Variants in PBX1 observed in about 807,000 individuals in gnomAD.
PBX1 encodes PBX homeobox 1.
Under a neutral mutation model 53.4 loss-of-function variants are expected in PBX1, and 6 were observed. The ratio of observed to expected loss-of-function variants is 0.11; its 90% CI spans 0.06 to 0.22. The LOEUF (loss-of-function observed/expected upper bound fraction) is 0.22, where lower values mean the gene tolerates loss of function less well. Among genes scored for constraint, PBX1 ranks in the 10% least tolerant of loss-of-function variants. The pLI, the probability that PBX1 is intolerant of heterozygous loss-of-function variation, is 1.00. For missense variants in PBX1, 251 were observed against 551.4 expected (o/e 0.46, Z 5.46); for synonymous variants, 204 against 212.3 (o/e 0.96, Z 0.34).
chr1:164,673,797 C>T (rs752937960), intron 2 of PBX1, among the ~76,000 whole-genome samples: 5 of 152,172 alleles, frequency 3.3e-5, no homozygotes, highest in African/African-American at 4.8e-5. Context: ...GCGGATCTCT[C>T]GGCACATGCT....
chr1:164,885,104 T>A (rs1367278274), intron 2 of PBX1, among the ~76,000 whole-genome samples: 1 of 152,176 alleles, frequency 6.6e-6, no homozygotes, highest in Non-Finnish European at 1.5e-5. Context: ...CCTTGTTCTG[T>A]GGATGATGTG....
intron 2 of PBX1, among the ~76,000 whole-genome samples, chr1:164,592,104 G>A (rs1218342627): frequency 4.0e-5 from 6 of 151,674 alleles, no homozygotes; most frequent in Non-Finnish European, 5.9e-5. Context: ...AGATGAAGGG[G>A]ATGGGGGTTG....
chr1:164,609,778 A>C (rs1464915976), intron 2 of PBX1, among the ~76,000 whole-genome samples: 1 of 152,212 alleles, frequency 6.6e-6, no homozygotes, highest in Non-Finnish European at 1.5e-5. Flanking sequence ...TTACAGTTGT[A>C]TTCCCAGCAC....
intron 2 of PBX1, among the ~76,000 whole-genome samples, chr1:164,613,260 C>G (rs189922966): frequency 6.6e-6 from 1 of 152,282 alleles, no homozygotes; most frequent in East Asian, 1.9e-4. Context: ...TAAGACAAAG[C>G]ATCTAAAGTA....
At chr1:164,821,648 C>G (rs750003645) in intron 8 of PBX1, 22 bp downstream of exon 8, 1 of 1,585,336 alleles carries the variant, frequency 6.3e-7, no homozygotes, top group Admixed American at 1.7e-5. Flanking sequence ...AGCCCCCCCA[C>G]CCCCTGCTTT....
At chr1:164,562,267 A>G (rs1653108326) in intron 1 of PBX1, among the ~76,000 whole-genome samples, 2 of 152,158 alleles carry the variant, frequency 1.3e-5, no homozygotes, top group South Asian at 2.1e-4. Context: ...AAAGAATTGC[A>G]TGTGTTTTGA....
chr1:164,576,835 G>C (rs1446453515), intron 2 of PBX1: 1 of 152,298 alleles, frequency 6.6e-6, no homozygotes, highest in Non-Finnish European at 1.5e-5. Context: ...GGGTGCCTGC[G>C]GTCTGTTCCC....
intron 2 of PBX1, chr1:164,700,793 A>G (rs201845413): frequency 2.3e-5 from 20 of 881,946 alleles, no homozygotes; most frequent in Admixed American, 1.8e-4. Context: ...GACTTTTTTC[A>G]CCCATCTTTG....
chr1:164,616,340 T>C (rs1185082845), intron 2 of PBX1, among the ~76,000 whole-genome samples: 1 of 152,152 alleles, frequency 6.6e-6, no homozygotes, highest in African/African-American at 2.4e-5. Flanking sequence ...AGGTCCTCCT[T>C]ACTCCTGCTC....
rs1218336298 is a variant in PBX1 at position 164,846,970 on chromosome 1, T to A, written c.*294T>A. The stretch of plus-strand genomic sequence containing the variant: ...GTGCCTCTGTCCTAGACTCCCGGGG[T>A]CCCCGCCCTCTCTCATATCACTGAA... On this transcript the variant is annotated 3_prime_UTR_variant, in exon 9 of 9. Transcript: ENST00000420696. 5.7e-6 allele frequency: 7 copies of A among 1,233,924 alleles called. No individual in the cohort carries two copies. Among genetic ancestry groups the A allele is most frequent in the African/African-American group, 1.5e-5 (1 of 67,040 alleles). 76.4% of individuals were successfully genotyped at this position (1,233,924 alleles called of 1,614,324 possible). A position where few individuals can be genotyped will look rare whatever the true frequency, so the allele number is the denominator to read the frequency against.
Position 164,846,792 on chromosome 1 carries a change from C to T in PBX1, c.*116C>T. 1 of 1,578,728 alleles carries T rather than the reference C, an allele frequency of 6.3e-7. No homozygotes were observed. The stretch of plus-strand genomic sequence containing the variant: ...ACTGGAGGTCGAAGCAATCAGCAAA[C>T]ACAATAAGAGTCTCCTTCTCTTCTC... On this transcript the variant is annotated 3_prime_UTR_variant, in exon 9 of 9. Transcript: ENST00000420696.
At chr1:164,811,935 A>T in intron 5 of PBX1, 55 bp from the exon 6 acceptor site, 2 of 1,484,012 alleles carry the variant, frequency 1.3e-6, no homozygotes, top group Admixed American at 2.0e-5. Context: ...TTTCTTCTGC[A>T]ATGTTTCTGA....
chr1:164,838,188 C>G (rs1005877878), intron 8 of PBX1, among the ~76,000 whole-genome samples: 2 of 152,294 alleles, frequency 1.3e-5, no homozygotes, highest in East Asian at 3.9e-4. Context: ...GTAGTAACTT[C>G]TAACAAGAGA....
At chr1:164,647,815 CTT>C (rs11299199) in intron 2 of PBX1, among the ~76,000 whole-genome samples, 5,375 of 133,848 alleles carry the variant, frequency 0.04, 141 homozygotes, top group South Asian at 0.11. Context: ...AGCACCCCAG[CTT>C]TTTTTTTTTT....
intron 2 of PBX1, among the ~76,000 whole-genome samples, chr1:164,711,482 C>G (rs1305018499): frequency 6.6e-6 from 1 of 152,206 alleles, no homozygotes; most frequent in Non-Finnish European, 1.5e-5. Context: ...CCATGATGGT[C>G]TCGATCTCCT....
chr1:164,864,300 A>T (rs1276510612), intron 2 of PBX1, among the ~76,000 whole-genome samples: 1 of 152,026 alleles, frequency 6.6e-6, no homozygotes, highest in Non-Finnish European at 1.5e-5. Context: ...AGTGCCATTC[A>T]GTGTAAATCT....
At position 164,761,592 on chromosome 1, in the gene PBX1, G is replaced by A. The variant is rs540093361; in HGVS notation, c.266-30902G>A. ...CCCGTGTAGCTGGGACTACAGGTGCGCGCCACCATGCCCGGCTAATTTTTG... is the reference window on the plus strand; with the variant it reads ...CCCGTGTAGCTGGGACTACAGGTGCACGCCACCATGCCCGGCTAATTTTTG... On this transcript the variant is annotated intron_variant, in intron 2 of 8. Coordinates refer to ENST00000420696, the MANE Select transcript of PBX1 (RefSeq NM_002585.4). 1.1e-3 allele frequency among the ~76,000 whole-genome samples: 174 copies of A among 152,110 alleles called. 1 individual carries two copies. Among genetic ancestry groups the A allele is most frequent in the Admixed American group, 2.2e-3 (33 of 15,286 alleles).
chr1:164,613,841 A>G (rs990665801), intron 2 of PBX1, among the ~76,000 whole-genome samples: 1 of 152,000 alleles, frequency 6.6e-6, no homozygotes, highest in Middle Eastern at 3.2e-3. Context: ...TCTAAGCTGG[A>G]CTTTACCTGG....
At chr1:164,877,434 G>T (rs962772028) in intron 2 of PBX1, among the ~76,000 whole-genome samples, 2 of 152,058 alleles carry the variant, frequency 1.3e-5, no homozygotes, top group Admixed American at 1.3e-4. Context: ...AGGCAGAGGC[G>T]GACCGATCAC....
Sources: allele counts gnomAD v4.1 joint callset (sites outside exome capture counted in the v4.1 genomes callset), GRCh38; gene constraint gnomAD v4.1.1; transcripts MANE v1.5; gene names NCBI Gene and HGNC (gene_info 2026-07-23, HGNC 2026-07-21).